CHD8: variants seen among roughly 807,000 people sequenced by gnomAD.
CHD8 encodes chromodomain helicase DNA binding protein 8.
Under a neutral mutation model 279.2 loss-of-function variants are expected in CHD8, and 31 were observed. The observed-to-expected ratio is 0.11, with a 90% CI of 0.08 to 0.15. The LOEUF is 0.15. CHD8 is among the 10% of genes least tolerant of loss of function. CHD8 has a pLI of 1.00. For missense variants in CHD8, 2,146 were observed against 3,230.5 expected (o/e 0.66, Z 8.14); for synonymous variants, 1,081 against 1,139.6 (o/e 0.95, Z 1.04).
intron 1 of CHD8, among the ~76,000 whole-genome samples, chr14:21,454,162 A>AAAAGAAAAGAAAAG (rs1461404835): frequency 4.7e-5 from 6 of 127,016 alleles, no homozygotes; most frequent in Non-Finnish European, 9.8e-5. Context: ...CGTCTCAAAA[A>AAAAGAAAAGAAAAG]AAAAGAAAAG....
chr14:21,419,605 C>T, intron 5 of CHD8: 1 of 162,188 alleles, frequency 6.2e-6, no homozygotes, highest in Non-Finnish European at 1.3e-5. Flanking sequence ...TCCTGGGTGC[C>T]GTACACTGGA....
chr14:21,394,430 C>T lies in CHD8; in HGVS notation c.5446G>A (p.Glu1816Lys). ...AACTGCATGGTGTCAGGGTCATATT[C>T]CACACCAAACGTAGACACCACTCGA... ...FYRVVSTFGV[E>K]YDPDTMQFHW... The change falls in exon 31 of 38, where the codon GAA becomes AAA. Residue 1816 changes from glutamate (E) to lysine (K), a missense_variant. By Grantham distance (56) the Glu-to-Lys change is moderately conservative (BLOSUM62 1). Transcript: ENST00000646647. The T allele has an allele frequency of 6.2e-7, 1 of 1,613,142 alleles. No individual in the cohort carries two copies. The highest frequency in any genetic ancestry group is 8.5e-7 in the Non-Finnish European group (1 of 1,179,480).
chr14:21,389,148 A>T (rs1887414636), intron 37 of CHD8, among the ~76,000 whole-genome samples: 1 of 151,898 alleles, frequency 6.6e-6, no homozygotes, highest in African/African-American at 2.4e-5. Context: ...AAAAATACAG[A>T]AATTAGCTGG....
chr14:21,431,393 G>A lies in CHD8; in HGVS notation c.251C>T (p.Ala84Val). 2.0e-6 allele frequency: 3 copies of A among 1,537,296 alleles called. No homozygotes were observed. Among genetic ancestry groups the A allele is most frequent in the Non-Finnish European group, 2.6e-6 (3 of 1,146,910 alleles). ...CAAGGTTATGGATTCTGGAGCTGGA[G>A]CTGTGGATTCTTTGGAAAGTTCTGT... ...APTELSKEST[A>V]PAPESITLHD... The change falls in exon 2 of 38, where the codon GCT becomes GTT. Residue 84 changes from alanine (A) to valine (V), a missense_variant. Transcript: ENST00000646647.
At chr14:21,432,755 G>A (rs1735540602) in intron 1 of CHD8, among the ~76,000 whole-genome samples, 1 of 152,154 alleles carries the variant, frequency 6.6e-6, no homozygotes, top group Admixed American at 6.5e-5. Context: ...CTGAACCTCT[G>A]ACGCTTTAAC....
chr14:21,406,694 G>C (rs1378932749), intron 14 of CHD8, among the ~76,000 whole-genome samples, 162 bp downstream of exon 14: 1 of 152,158 alleles, frequency 6.6e-6, no homozygotes, highest in African/African-American at 2.4e-5. Context: ...TAAAATGTAT[G>C]ACTTTTACAC....
chr14:21,444,185 G>A (rs1195507309), intron 1 of CHD8, among the ~76,000 whole-genome samples: 1 of 152,174 alleles, frequency 6.6e-6, no homozygotes, highest in Non-Finnish European at 1.5e-5. Context: ...CATTTATGAG[G>A]ATTAATGAAA....
intron 28 of CHD8, chr14:21,395,586 T>C: frequency 1.7e-6 from 1 of 589,488 alleles, no homozygotes; most frequent in Admixed American, 3.2e-5. Context: ...GTCAGGAATT[T>C]ATTAGTCAAA....
intron 1 of CHD8, among the ~76,000 whole-genome samples, chr14:21,437,805 G>A (rs1889849886): frequency 6.6e-6 from 1 of 152,080 alleles, no homozygotes; most frequent in Non-Finnish European, 1.5e-5. Context: ...TTGACACTGT[G>A]ACCCTTCAAT....
chr14:21,421,413 G>A (rs986883184), intron 5 of CHD8, among the ~76,000 whole-genome samples: 1 of 151,290 alleles, frequency 6.6e-6, no homozygotes, highest in African/African-American at 2.4e-5. Context: ...TCTACTGCAT[G>A]AATATTGCCA....
chr14:21,429,080 G>A lies in CHD8; in HGVS notation c.1099C>T (p.Pro367Ser). 5 of 1,614,042 alleles carry A rather than the reference G, an allele frequency of 3.1e-6. No homozygotes were observed. Among genetic ancestry groups the A allele is most frequent in the Non-Finnish European group, 3.4e-6 (4 of 1,179,902 alleles). ...PPSSQPQPQQ[P>S]PSTQPVTLSS... Reference sequence around the variant, plus strand: ...AGAGTCACTGGCTGGGTGGAGGGTGGCTGCTGGGGCTGTGGCTGCGATGAT... The same window carrying A: ...AGAGTCACTGGCTGGGTGGAGGGTGACTGCTGGGGCTGTGGCTGCGATGAT... Residue 367 changes from proline (P) to serine (S), a missense_variant, in exon 3 of 38, where the codon CCA becomes TCA. Around this residue, in one of 26 missense-constraint regions of CHD8, gnomAD observed 170 missense variants for 189.9 expected, o/e 0.90. Coordinates refer to ENST00000646647, the MANE Select transcript of CHD8 (RefSeq NM_001170629.2).
chr14:21,454,134 G>T (rs1362512400), intron 1 of CHD8, among the ~76,000 whole-genome samples: 1 of 142,266 alleles, frequency 7.0e-6, no homozygotes, highest in African/African-American at 2.6e-5. Flanking sequence ...CTCCAGCCTG[G>T]GTGACAGAGC....
In CHD8 at chr14:21,431,765, T is replaced by C. The variant is rs761475262; in HGVS notation, c.-122A>G. 6 of 1,613,244 alleles carry C rather than the reference T, an allele frequency of 3.7e-6. No homozygotes were observed. Among genetic ancestry groups the C allele is most frequent in the Admixed American group, 1.7e-5 (1 of 60,000 alleles). On this transcript the variant is annotated 5_prime_UTR_variant, in exon 2 of 38. Transcript: ENST00000646647. ...TGTACACAATGTAAGAGGACTACTC[T>C]TCAAGTATAGAGGCAAGAAACAAGT... is the stretch of plus-strand genomic sequence containing the variant.
At chr14:21,441,655 A>T (rs61973190) in intron 1 of CHD8, among the ~76,000 whole-genome samples, 2 of 151,832 alleles carry the variant, frequency 1.3e-5, no homozygotes, top group Admixed American at 6.6e-5. Flanking sequence ...TTGGGAGGCC[A>T]AGGCGGGCAT....
rs1555311968 is a variant in CHD8 at position 21,385,773 on chromosome 14, A to C, written c.7586T>G (p.Leu2529Trp). 4 of 1,537,308 alleles carry C rather than the reference A, an allele frequency of 2.6e-6. No individual in the cohort carries two copies. The highest frequency in any genetic ancestry group is 3.5e-6 in the Non-Finnish European group (4 of 1,138,252). The change falls in exon 38 of 38, where the codon TTG (leucine) becomes TGG (tryptophan). Residue 2529 changes from leucine (L) to tryptophan (W), a missense_variant. Around this residue, in one of 26 missense-constraint regions of CHD8, gnomAD observed 336 missense variants for 392.9 expected, o/e 0.86. Transcript: ENST00000646647. ...SPVTTASGTT[L>W]RLPPLQPEED... ...CTCAGGTTGCAGTGGTGGCAACCGC[A>C]AGGTAGTACCAGAGGCGGTAGTCAC... is the stretch of plus-strand genomic sequence containing the variant.
chr14:21,446,055 G>A (rs192065987), intron 1 of CHD8, among the ~76,000 whole-genome samples: 78 of 152,050 alleles, frequency 5.1e-4, no homozygotes, highest in African/African-American at 1.3e-3. Context: ...AGCCAGGTGC[G>A]GTGGCAGGCA....
chr14:21,385,508 G>T lies in CHD8; in HGVS notation c.*105C>A. Reference sequence around the variant, plus strand: ...TTTCCTTTTCACCTCCTGGAGTCCTGGACTTCCCCACATCTCCCCTGCCCC... The same window carrying T: ...TTTCCTTTTCACCTCCTGGAGTCCTTGACTTCCCCACATCTCCCCTGCCCC... On this transcript the variant is annotated 3_prime_UTR_variant, in exon 38 of 38. Transcript: ENST00000646647. 12 of 1,405,194 alleles carry T rather than the reference G, an allele frequency of 8.5e-6. No individual in the cohort carries two copies. The highest frequency in any genetic ancestry group is 3.2e-5 in the South Asian group (2 of 62,872). The allele number at this position is 1,405,194 out of a possible 1,614,324, so 87.0% of individuals were successfully genotyped here. A position where few individuals can be genotyped will look rare whatever the true frequency, so the allele number is the denominator to read the frequency against.
At chr14:21,452,659 AG>A (rs1340574342) in intron 1 of CHD8, among the ~76,000 whole-genome samples, 1 of 151,690 alleles carries the variant, frequency 6.6e-6, no homozygotes, top group Non-Finnish European at 1.5e-5. Flanking sequence ...AAAAAAAAAA[AG>A]AAAACTTCAT....
At position 21,402,913 on chromosome 14, in the gene CHD8, G is replaced by A. The variant is rs1594343934; in HGVS notation, c.3714+104C>T. 1.0e-6 allele frequency: 1 copy of A among 980,830 alleles called. No homozygotes were observed. Among genetic ancestry groups the A allele is most frequent in the Non-Finnish European group, 1.5e-6 (1 of 671,032 alleles). 60.8% of individuals were successfully genotyped at this position (980,830 alleles called of 1,614,324 possible). On this transcript the variant is annotated intron_variant, in intron 18 of 37. Transcript: ENST00000646647. The surrounding 1 kb of genome is among the most constrained non-coding windows in gnomAD (Gnocchi z 4.5). ...GACCTAACTGCCACCCTTAACTAAG[G>A]AAACAATTCCAAACTCTGTGAAAGG...
Sources: gnomAD v4.1 joint callset for allele counts (sites outside exome capture counted in the v4.1 genomes callset) on GRCh38, gnomAD v4.1.1 for gene constraint, gnomAD v4.1.1 regional missense constraint, Gnocchi (gnomAD v3.1) non-coding constraint, MANE v1.5 for transcripts, NCBI Gene and HGNC (gene_info 2026-07-23, HGNC 2026-07-21) for gene names.